EXOC2: variants seen among roughly 807,000 people sequenced by gnomAD.
EXOC2 encodes the protein exocyst complex component 2, also known as SEC5-like 1.
A neutral mutation model predicts 131.8 loss-of-function variants in EXOC2; 70 were observed. The observed-to-expected ratio is 0.53, with a 90% CI of 0.44 to 0.65. The LOEUF (loss-of-function observed/expected upper bound fraction) is 0.65. EXOC2 is among the 30% of genes least tolerant of loss of function. The probability of loss-of-function intolerance (pLI) is 0.00; values close to 1 mark genes in which losing one functional copy is unlikely to be tolerated. For synonymous variants in EXOC2, 411 were observed against 398.4 expected, an observed-to-expected ratio of 1.03 and a Z score of -0.38; for missense variants, 923 against 1,108.6, an observed-to-expected ratio of 0.83 and a Z score of 2.38.
At chr6:648,107 C>T (rs1762662697) in intron 1 of EXOC2, among the ~76,000 whole-genome samples, 1 of 152,156 alleles carries the variant, frequency 6.6e-6, no homozygotes, top group Non-Finnish European at 1.5e-5. Context: ...AATATAAGAA[C>T]ATATCTGCTT....
At chr6:553,390 AGTGTGTGT>A (rs34996425) in intron 21 of EXOC2, among the ~76,000 whole-genome samples, 16 of 149,942 alleles carry the variant, frequency 1.1e-4, no homozygotes, top group South Asian at 4.2e-4. Context: ...TTTGTGTATA[AGTGTGTGT>A]GTGTGTGTGT....
rs550524505 is a variant in EXOC2, at chr6:615,766, G to GT, written c.661+1944dup. Reference sequence around the variant, plus strand: ...AAAAACCAGAAACAGGGTAAGAAAGGTGAGGGGATGGTTTTAGTTTAAAAG... The same window carrying GT: ...AAAAACCAGAAACAGGGTAAGAAAGGTTGAGGGGATGGTTTTAGTTTAAAAG... On this transcript the variant is annotated intron_variant, in intron 6 of 27. Transcript: ENST00000230449. Among the ~76,000 whole-genome samples, 12 of 151,918 alleles carry GT rather than the reference G, an allele frequency of 7.9e-5. No homozygotes were observed. The South Asian group carries it at 2.1e-3, about 26-fold the overall frequency.
intron 1 of EXOC2, chr6:656,101 T>A: frequency 1.3e-6 from 2 of 1,578,596 alleles, no homozygotes; most frequent in Non-Finnish European, 1.7e-6. Flanking sequence ...CTAAGCTGGC[T>A]GAATTTTTAC....
rs866627283 is a variant in EXOC2, at chr6:672,834, A to G, written c.-44+20185T>C. ...TACATCTCTGACCAGAAACTGCAAG[A>G]GCTTTGTTTTCAATATTTACATAAG... On this transcript the variant is annotated intron_variant, in intron 1 of 27. Coordinates refer to ENST00000230449, the MANE Select transcript of EXOC2 (RefSeq NM_018303.6). Among the ~76,000 whole-genome samples the G allele has an allele frequency of 2.6e-5, 4 of 151,044 alleles. No homozygotes were observed. In the South Asian group the frequency reaches 8.3e-4, roughly 31 times the overall value.
intron 10 of EXOC2, among the ~76,000 whole-genome samples, chr6:593,575 ATTAT>A (rs1759660094): frequency 6.6e-6 from 1 of 152,258 alleles, no homozygotes. Context: ...TCTGTCAAAT[ATTAT>A]TTAAGATTTG....
intron 17 of EXOC2, among the ~76,000 whole-genome samples, chr6:557,479 G>A (rs377319878): frequency 1.3e-3 from 197 of 151,968 alleles, no homozygotes; most frequent in African/African-American, 4.4e-3. Flanking sequence ...TTAGCCAGGC[G>A]TGGTGGCACG....
chr6:530,374 T>C (rs1030399742), intron 23 of EXOC2, among the ~76,000 whole-genome samples: 18 of 152,194 alleles, frequency 1.2e-4, no homozygotes, highest in Non-Finnish European at 2.6e-4. Flanking sequence ...CAGACTGCAC[T>C]ATGCTAAAAA....
chr6:648,798 T>C (rs550388992), intron 1 of EXOC2, among the ~76,000 whole-genome samples: 1 of 145,702 alleles, frequency 6.9e-6, no homozygotes, highest in Non-Finnish European at 1.5e-5. Flanking sequence ...CACGGCTCAC[T>C]GCAGCCTCGA....
In EXOC2 at chr6:680,705, GC is replaced by G. The variant is rs562228998; in HGVS notation, c.-44+12313del. Among the ~76,000 whole-genome samples the G allele has an allele frequency of 9.2e-5, 14 of 152,172 alleles. No individual in the cohort carries two copies. The South Asian group carries it at 2.9e-3, about 32-fold the overall frequency. Reference sequence around the variant, plus strand: ...TGCATTTTTTTGGGCTGGGGGTGGTGCTCATTTCTCCTGTAAATTAACTATC... The same window carrying G: ...TGCATTTTTTTGGGCTGGGGGTGGTGTCATTTCTCCTGTAAATTAACTATC... On this transcript the variant is annotated intron_variant, in intron 1 of 27. Transcript: ENST00000230449.
intron 25 of EXOC2, 62 bp from the exon 26 acceptor site, chr6:491,248 T>G: frequency 6.4e-7 from 1 of 1,560,394 alleles, no homozygotes; most frequent in Non-Finnish European, 8.8e-7. Flanking sequence ...TATAAACAAG[T>G]ACTAAGGTTA....
chr6:545,473 A>G (rs976896514), intron 22 of EXOC2, among the ~76,000 whole-genome samples: 1 of 152,226 alleles, frequency 6.6e-6, no homozygotes. Context: ...ACTTATTTGC[A>G]ACATGTATCT....
chr6:634,160 C>A (rs776990987), intron 2 of EXOC2, among the ~76,000 whole-genome samples: 3 of 152,058 alleles, frequency 2.0e-5, no homozygotes, highest in African/African-American at 4.8e-5. Context: ...CCATCTCCCA[C>A]GCTCAAGCAA....
At chr6:540,903 GAA>G (rs1766774840) in intron 22 of EXOC2, among the ~76,000 whole-genome samples, 1 of 152,136 alleles carries the variant, frequency 6.6e-6, no homozygotes, top group Non-Finnish European at 1.5e-5. Context: ...AGGAGCCAAG[GAA>G]AAACCTTACT....
chr6:600,898 T>A (rs184408857), intron 7 of EXOC2, among the ~76,000 whole-genome samples: 2 of 152,344 alleles, frequency 1.3e-5, no homozygotes, highest in Admixed American at 6.5e-5. Flanking sequence ...AGATAACTTC[T>A]GTCTGTAAAT....
intron 1 of EXOC2, among the ~76,000 whole-genome samples, chr6:681,576 T>C (rs995018238): frequency 3.9e-5 from 6 of 152,228 alleles, no homozygotes; most frequent in Non-Finnish European, 7.3e-5. Flanking sequence ...AACTTGTTTT[T>C]CAACTATCCT....
At chr6:656,860 C>A (rs1438331665) in intron 1 of EXOC2, 1 of 1,608,952 alleles carries the variant, frequency 6.2e-7, no homozygotes, top group Admixed American at 1.7e-5. Flanking sequence ...AGCACGCAGA[C>A]CTTCGCTAGC....
intron 26 of EXOC2, among the ~76,000 whole-genome samples, chr6:489,966 C>CG (rs1763328327): frequency 6.6e-6 from 1 of 152,192 alleles, no homozygotes; most frequent in Non-Finnish European, 1.5e-5. Context: ...GGGTGTGGGA[C>CG]GGGTGGCTTG....
Position 610,954 on chromosome 6 carries a change from T to C in EXOC2, c.662-776A>G, listed in dbSNP as rs187883415. ...AGCTACTGCAGTTGAATTGTCTTGG[T>C]TGACTTGGAGTGAGGAGAAAGTAAT... On this transcript the variant is annotated intron_variant, in intron 6 of 27. Transcript: ENST00000230449. Among the ~76,000 whole-genome samples, 4 of 152,372 alleles carry C rather than the reference T, an allele frequency of 2.6e-5. No homozygotes were observed. In the East Asian group the frequency reaches 7.7e-4, roughly 29 times the overall value.
At chr6:608,654 T>TA (rs1317398497) in intron 7 of EXOC2, among the ~76,000 whole-genome samples, 10 of 151,786 alleles carry the variant, frequency 6.6e-5, no homozygotes, top group East Asian at 1.9e-4. Flanking sequence ...TTCAAAGAAA[T>TA]AAAAAAAATC....
Sources: gnomAD v4.1 joint callset for allele counts (sites outside exome capture counted in the v4.1 genomes callset) on GRCh38, gnomAD v4.1.1 for gene constraint, MANE v1.5 for transcripts, NCBI Gene and HGNC (gene_info 2026-07-23, HGNC 2026-07-21) for gene names.